The following ITGAV variants were observed in gnomAD, a reference collection of about 807,000 sequenced individuals.
ITGAV encodes the protein integrin subunit alpha V.
Under a neutral mutation model 143.8 loss-of-function variants are expected in ITGAV, and 76 were observed. That is an observed-to-expected ratio of 0.53 (90% CI 0.44 to 0.64). The LOEUF (loss-of-function observed/expected upper bound fraction) is 0.64. Among genes scored for constraint, ITGAV ranks in the 30% least tolerant of loss-of-function variants. The pLI is 0.00. For synonymous variants in ITGAV, 453 were observed against 446.7 expected, an observed-to-expected ratio of 1.01 and a Z score of -0.18; for missense variants, 1,193 against 1,274.7, an observed-to-expected ratio of 0.94 and a Z score of 0.98.
At chr2:186,609,652 G>C (rs888829840) in intron 2 of ITGAV, among the ~76,000 whole-genome samples, 2 of 152,136 alleles carry the variant, frequency 1.3e-5, no homozygotes, top group Non-Finnish European at 2.9e-5. Context: ...TCCTAGATTA[G>C]TTGGTGACAT....
In ITGAV at chr2:186,590,535, C is replaced by T. The variant is rs1468142087; in HGVS notation, c.185+12C>T. 1 of 1,609,198 alleles carries T rather than the reference C, an allele frequency of 6.2e-7. No homozygotes were observed. The highest frequency in any genetic ancestry group is 1.7e-5 in the Admixed American group (1 of 59,684). On this transcript the variant is annotated intron_variant, in intron 1 of 29. Coordinates refer to ENST00000261023, the MANE Select transcript of ITGAV (RefSeq NM_002210.5). ...CCCAGCGCGTCTTCGTAAGTGGCCG[C>T]ACTTGGAACTGGAGCCGGCCCCCTC...
At position 186,602,104 on chromosome 2, in the gene ITGAV, A is replaced by T; in HGVS notation, c.269A>T (p.Asp90Val). The change falls in exon 2 of 30, where the codon GAC becomes GTC. Residue 90 changes from aspartate (D) to valine (V), a missense_variant. Coordinates refer to ENST00000261023, the MANE Select transcript of ITGAV (RefSeq NM_002210.5). Reference sequence around the variant, plus strand: ...GAAGGAGGGCAGGTCCTCAAATGTGACTGGTCTTCTACCCGCCGGTGCCAG... The same window carrying T: ...GAAGGAGGGCAGGTCCTCAAATGTGTCTGGTCTTCTACCCGCCGGTGCCAG... ...IVEGGQVLKC[D>V]WSSTRRCQPI... 6.2e-7 allele frequency: 1 copy of T among 1,613,262 alleles called. No individual in the cohort carries two copies. The highest frequency in any genetic ancestry group is 8.5e-7 in the Non-Finnish European group (1 of 1,179,548).
chr2:186,649,135 A>AT (rs1688353417), intron 13 of ITGAV, among the ~76,000 whole-genome samples: 1 of 146,346 alleles, frequency 6.8e-6, no homozygotes, highest in African/African-American at 2.5e-5. Context: ...TCATTCATTC[A>AT]TTTTTTTTAA....
chr2:186,636,925 G>C, intron 7 of ITGAV, 140 bp from the exon 8 acceptor site: 1 of 635,160 alleles, frequency 1.6e-6, no homozygotes, highest in South Asian at 2.1e-5. Context: ...ATATATATAT[G>C]AATCTGTTAT....
intron 18 of ITGAV, among the ~76,000 whole-genome samples, chr2:186,661,926 A>G (rs960496252): frequency 2.6e-5 from 4 of 152,056 alleles, no homozygotes; most frequent in African/African-American, 9.7e-5. Context: ...ACTTTGTGCA[A>G]GATGTAATAT....
At position 186,602,876 on chromosome 2, in the gene ITGAV, TAA is replaced by T. The variant is rs11297809; in HGVS notation, c.316+743_316+744del. Among the ~76,000 whole-genome samples the T allele has an allele frequency of 7.6e-3, 994 of 130,850 alleles. 5 individuals carry two copies. Among genetic ancestry groups the T allele is most frequent in the South Asian group, 0.022 (87 of 4,010 alleles). The allele number at this position is 130,850 out of a possible 152,430, so 85.8% of individuals were successfully genotyped here. A position where few individuals can be genotyped will look rare whatever the true frequency, so the allele number is the denominator to read the frequency against. ...TGGGTGACAGAGGGAGACTCCATCT[TAA>T]AAAAAAAAAAAAAAAAAGCAGTGGA... On this transcript the variant is annotated intron_variant, in intron 2 of 29. Coordinates refer to ENST00000261023, the MANE Select transcript of ITGAV (RefSeq NM_002210.5).
intron 1 of ITGAV, among the ~76,000 whole-genome samples, chr2:186,595,207 G>C (rs1419159792): frequency 6.6e-6 from 1 of 152,178 alleles, no homozygotes; most frequent in African/African-American, 2.4e-5. Flanking sequence ...AGGCTCATTG[G>C]TCAACTCAGA....
At chr2:186,633,486 C>T (rs1687872327) in intron 6 of ITGAV, 112 bp downstream of exon 6, 4 of 512,042 alleles carry the variant, frequency 7.8e-6, no homozygotes, top group Non-Finnish European at 1.1e-5. Context: ...AATGGAAATA[C>T]AATTAAAGTA....
chr2:186,650,201 C>G (rs1216456542), intron 14 of ITGAV, among the ~76,000 whole-genome samples: 1 of 152,126 alleles, frequency 6.6e-6, no homozygotes, highest in Non-Finnish European at 1.5e-5. Context: ...TGTCTTCCAG[C>G]CTCTCTTCTA....
chr2:186,618,327 C>CT (rs1687424957), intron 2 of ITGAV, among the ~76,000 whole-genome samples: 1 of 152,204 alleles, frequency 6.6e-6, no homozygotes, highest in South Asian at 2.1e-4. Context: ...AGACCATTGA[C>CT]TAAGTTTTGG....
intron 16 of ITGAV, among the ~76,000 whole-genome samples, chr2:186,655,551 G>T (rs1688558547): frequency 6.6e-6 from 1 of 152,160 alleles, no homozygotes; most frequent in African/African-American, 2.4e-5. Flanking sequence ...ATAACCCCGG[G>T]TATTCACCCA....
At chr2:186,660,884 C>T (rs1445323584) in intron 18 of ITGAV, among the ~76,000 whole-genome samples, 1 of 152,140 alleles carries the variant, frequency 6.6e-6, no homozygotes, top group Non-Finnish European at 1.5e-5. Context: ...CTTCTTGTGT[C>T]TTCACATGGT....
chr2:186,637,455 C>T lies in ITGAV; in HGVS notation c.802+346C>T, dbSNP rs1459407698. ...GTGATTGCGCCACTGCACTCCCGCC[C>T]GGGCGACAGAGCCGAGACCCTGTCT... is the stretch of plus-strand genomic sequence containing the variant. On this transcript the variant is annotated intron_variant, in intron 8 of 29. Transcript: ENST00000261023. Among the ~76,000 whole-genome samples the T allele has an allele frequency of 4.8e-5, 7 of 146,908 alleles. No individual in the cohort carries two copies. The East Asian group carries it at 6.0e-4, about 13-fold the overall frequency.
At position 186,670,352 on chromosome 2, in the gene ITGAV, G is replaced by A. The variant is rs1689031006; in HGVS notation, c.2706+538G>A. Among the ~76,000 whole-genome samples, 3 of 152,058 alleles carry A rather than the reference G, an allele frequency of 2.0e-5. No individual in the cohort carries two copies. The South Asian group carries it at 6.2e-4, about 32-fold the overall frequency. ...GCCTCACTTTGTCACCCAGGCTGGA[G>A]TGCAATGACACAAACACAGCTCACT... On this transcript the variant is annotated intron_variant, in intron 26 of 29. Coordinates refer to ENST00000261023, the MANE Select transcript of ITGAV (RefSeq NM_002210.5).
chr2:186,604,111 G>A (rs924404896), intron 2 of ITGAV, among the ~76,000 whole-genome samples: 2 of 151,818 alleles, frequency 1.3e-5, no homozygotes, highest in African/African-American at 4.8e-5. Flanking sequence ...GGCTCAAGCA[G>A]TCTGCCCCCC....
chr2:186,600,534 A>G (rs1686871936), intron 1 of ITGAV, among the ~76,000 whole-genome samples: 1 of 152,220 alleles, frequency 6.6e-6, no homozygotes. Flanking sequence ...TGTCTAAAGA[A>G]GGTCTCCTCT....
At chr2:186,641,034 A>G (rs1688088726) in intron 11 of ITGAV, 67 bp downstream of exon 11, 7 of 1,219,708 alleles carry the variant, frequency 5.7e-6, no homozygotes, top group South Asian at 5.5e-5. Flanking sequence ...TACTCAAACT[A>G]AACATTTTTT....
chr2:186,640,775 A>G, intron 10 of ITGAV, 140 bp from the exon 11 acceptor site: 1 of 656,742 alleles, frequency 1.5e-6, no homozygotes, highest in Non-Finnish European at 2.6e-6. Context: ...TTGGTAGAAT[A>G]AACAAAAGAC....
At position 186,602,034 on chromosome 2, in the gene ITGAV, C is replaced by T. The variant is rs1352529063; in HGVS notation, c.199C>T (p.Leu67Phe). ...VPSASSRMFL[L>F]VGAPKANTTQ... ...TTTGTATTTTAGCCGGATGTTTCTT[C>T]TCGTGGGAGCTCCCAAAGCAAACAC... Residue 67 changes from leucine to phenylalanine, a missense_variant, in exon 2 of 30, where the codon CTC becomes TTC. By Grantham distance (22) the Leu-to-Phe change is conservative. Coordinates refer to ENST00000261023, the MANE Select transcript of ITGAV (RefSeq NM_002210.5). 1 of 1,608,370 alleles carries T rather than the reference C, an allele frequency of 6.2e-7. No homozygotes were observed. Among genetic ancestry groups the T allele is most frequent in the Non-Finnish European group, 8.5e-7 (1 of 1,177,598 alleles).
Sources: allele counts gnomAD v4.1 joint callset (sites outside exome capture counted in the v4.1 genomes callset), GRCh38; gene constraint gnomAD v4.1.1; transcripts MANE v1.5; gene names NCBI Gene and HGNC (gene_info 2026-07-23, HGNC 2026-07-21).